Variants in ATOH1 observed in about 807,000 individuals in gnomAD.
ATOH1 encodes the protein transcription factor ATOH1.
ATOH1 carries 9 observed loss-of-function variants against 20.7 expected under a neutral mutation model. The ratio of observed to expected loss-of-function variants is 0.44; its 90% CI spans 0.26 to 0.76. The LOEUF is 0.76. ATOH1 is among the 30% of genes least tolerant of loss of function. ATOH1 has a pLI of 0.20. For synonymous variants in ATOH1, 247 were observed against 214.3 expected, an observed-to-expected ratio of 1.15 and a Z score of -1.33; for missense variants, 516 against 479.3, an observed-to-expected ratio of 1.08 and a Z score of -0.71.
chr4:93,829,139 C>T lies in ATOH1; in HGVS notation c.213C>T (p.Gly71=). 3.1e-6 allele frequency: 5 copies of T among 1,603,576 alleles called. No individual in the cohort carries two copies. Among genetic ancestry groups the T allele is most frequent in the Non-Finnish European group, 4.3e-6 (5 of 1,173,802 alleles). Residue 71 remains glycine (G), a synonymous_variant, in exon 1 of 1, where the codon GGC becomes GGT. Coordinates refer to ENST00000306011, the MANE Select transcript of ATOH1 (RefSeq NM_005172.2). The surrounding 1 kb of genome is among the most constrained non-coding windows in gnomAD (Gnocchi z 4.5). The stretch of plus-strand genomic sequence containing the variant: ...CCTGGCTGGCTCCCACTTTGCAGGG[C>T]ATCTGCACGGCACGCGCCGCCCAGT... ...PRAWLAPTLQ[G]ICTARAAQYL...
Position 93,829,874 on chromosome 4 carries a change from C to A in ATOH1, c.948C>A (p.Pro316=), listed in dbSNP as rs540814845. The A allele has an allele frequency of 1.0e-4, 166 of 1,614,028 alleles. No individual in the cohort carries two copies. The highest frequency in any genetic ancestry group is 1.4e-4 in the Non-Finnish European group (160 of 1,180,054). ...AAAAGAATTTGTCTCCTTCTCTCCCCGGGAGCATCTTGCAGCCAGTGCAGG... is the reference window on the plus strand; with the variant it reads ...AAAAGAATTTGTCTCCTTCTCTCCCAGGGAGCATCTTGCAGCCAGTGCAGG... The part of the protein sequence containing the change: ...MAQKNLSPSL[P]GSILQPVQEE... The change falls in exon 1 of 1, where the codon CCC becomes CCA. Residue 316 remains proline, a synonymous_variant. Coordinates refer to ENST00000306011, the MANE Select transcript of ATOH1 (RefSeq NM_005172.2). The surrounding 1 kb of genome is among the most constrained non-coding windows in gnomAD (Gnocchi z 4.5).
rs571058320 is a variant in ATOH1 at position 93,830,149 on chromosome 4, T to C, written c.*158T>C. ...GGCTTCAGATGGCAGCTACATTTGA[T>C]GGTTTGCAAATGCCGCCGCTGTTCC... On this transcript the variant is annotated 3_prime_UTR_variant, in exon 1 of 1. Coordinates refer to ENST00000306011, the MANE Select transcript of ATOH1 (RefSeq NM_005172.2). 1.9e-5 allele frequency: 26 copies of C among 1,389,124 alleles called. No homozygotes were observed. The East Asian group carries it at 6.1e-4, about 33-fold the overall frequency. The allele number at this position is 1,389,124 out of a possible 1,614,324, so 86.0% of individuals were successfully genotyped here.
In ATOH1 at chr4:93,829,283, C is replaced by T; in HGVS notation, c.357C>T (p.Pro119=). The part of the protein sequence containing the change: ...SSGGASSSKS[P]GPVKVREQLC... ...GCGGTGCCAGCAGCAGCAAGAGCCC[C>T]GGGCCGGTGAAAGTGCGGGAACAGC... is the stretch of plus-strand genomic sequence containing the variant. The change falls in exon 1 of 1, where the codon CCC becomes CCT. Residue 119 remains proline (P), a synonymous_variant. Transcript: ENST00000306011. This position sits in a 1 kb window ranked among gnomAD's most constrained non-coding sequence, Gnocchi z 4.5. The T allele has an allele frequency of 6.2e-7, 1 of 1,608,368 alleles. No individual in the cohort carries two copies. The highest frequency in any genetic ancestry group is 8.5e-7 in the Non-Finnish European group (1 of 1,176,612).
chr4:93,828,761 A>C lies in ATOH1; in HGVS notation c.-166A>C, dbSNP rs140329582. On this transcript the variant is annotated 5_prime_UTR_variant, in exon 1 of 1. Coordinates refer to ENST00000306011, the MANE Select transcript of ATOH1 (RefSeq NM_005172.2). ...CAGCGCCTTCAGCAACCGGAGAAGC[A>C]TAGTTGCACGCGACCTGGTGTGTGA... 5.3e-4 allele frequency: 369 copies of C among 702,642 alleles called. No individual in the cohort carries two copies. The East Asian group carries it at 0.01, about 19-fold the overall frequency. 43.5% of individuals were successfully genotyped at this position (702,642 alleles called of 1,614,324 possible).
Position 93,830,674 on chromosome 4 carries a change from C to T in ATOH1, c.*683C>T, listed in dbSNP as rs1735426343. The T allele has an allele frequency of 6.0e-6, 1 of 165,640 alleles. No homozygotes were observed. Among genetic ancestry groups the T allele is most frequent in the African/African-American group, 2.5e-5 (1 of 40,664 alleles). The allele number at this position is 165,640 out of a possible 1,614,324, so 10.3% of individuals were successfully genotyped here. On this transcript the variant is annotated 3_prime_UTR_variant, in exon 1 of 1. Transcript: ENST00000306011. ...AGAAACTCAACTGCCAATTGCAGAC[C>T]AGTTTTTTTTTTTTTAAACACAGCC...
At position 93,830,158 on chromosome 4, in the gene ATOH1, A is replaced by C; in HGVS notation, c.*167A>C. 7.3e-7 allele frequency: 1 copy of C among 1,365,798 alleles called. No individual in the cohort carries two copies. Among genetic ancestry groups the C allele is most frequent in the Non-Finnish European group, 9.6e-7 (1 of 1,042,386 alleles). 84.6% of individuals were successfully genotyped at this position (1,365,798 alleles called of 1,614,324 possible). A position where few individuals can be genotyped will look rare whatever the true frequency, so the allele number is the denominator to read the frequency against. On this transcript the variant is annotated 3_prime_UTR_variant, in exon 1 of 1. Transcript: ENST00000306011. ...TGGCAGCTACATTTGATGGTTTGCA[A>C]ATGCCGCCGCTGTTCCAAACTTCCT...
chr4:93,830,006 C>G lies in ATOH1; in HGVS notation c.*15C>G. 1 of 1,555,406 alleles carries G rather than the reference C, an allele frequency of 6.4e-7. No individual in the cohort carries two copies. Among genetic ancestry groups the G allele is most frequent in the East Asian group, 2.3e-5 (1 of 44,104 alleles). On this transcript the variant is annotated 3_prime_UTR_variant, in exon 1 of 1. Coordinates refer to ENST00000306011, the MANE Select transcript of ATOH1 (RefSeq NM_005172.2). ...AGGCAAGTTAGGAAGGTGACAGAAG[C>G]CTGAAAACTGAGACAGAAACAAAAC...
Position 93,830,237 on chromosome 4 carries a change from C to A in ATOH1, c.*246C>A. 1 of 706,754 alleles carries A rather than the reference C, an allele frequency of 1.4e-6. No individual in the cohort carries two copies. Among genetic ancestry groups the A allele is most frequent in the Non-Finnish European group, 2.1e-6 (1 of 474,056 alleles). The allele number at this position is 706,754 out of a possible 1,614,324, so 43.8% of individuals were successfully genotyped here. On this transcript the variant is annotated 3_prime_UTR_variant, in exon 1 of 1. Transcript: ENST00000306011. ...CTGTTAAAATTGTGTCCTTTCCGCCCACCTTCTGCTCCCCCTTTAGATAGA... is the reference window on the plus strand; with the variant it reads ...CTGTTAAAATTGTGTCCTTTCCGCCAACCTTCTGCTCCCCCTTTAGATAGA...
rs142870406 is a variant in ATOH1 at position 93,829,600 on chromosome 4, C to T, written c.674C>T (p.Pro225Leu). Residue 225 changes from proline (P) to leucine (L), a missense_variant, in exon 1 of 1, where the codon CCG becomes CTG. Coordinates refer to ENST00000306011, the MANE Select transcript of ATOH1 (RefSeq NM_005172.2). This position sits in a 1 kb window ranked among gnomAD's most constrained non-coding sequence, Gnocchi z 4.5. The stretch of plus-strand genomic sequence containing the variant: ...ACGCCCAGCGGAGGGGAACAGCCAC[C>T]GCCGCCTCCAGCCTCCTGCAAAAGC... Reference protein sequence around the residue: ...LQTPSGGEQPPPPPASCKSDH... With the variant: ...LQTPSGGEQPLPPPASCKSDH... 8 of 1,613,488 alleles carry T rather than the reference C, an allele frequency of 5.0e-6. No homozygotes were observed. Among genetic ancestry groups the T allele is most frequent in the South Asian group, 1.1e-5 (1 of 91,018 alleles).
Position 93,828,878 on chromosome 4 carries a change from G to C in ATOH1, c.-49G>C, listed in dbSNP as rs781760374. ...AAGGGCCTTTTTTTTGGTTGAGCTGGTGTCCCAGTGCTGCCTCCGATCCTG... is the reference window on the plus strand; with the variant it reads ...AAGGGCCTTTTTTTTGGTTGAGCTGCTGTCCCAGTGCTGCCTCCGATCCTG... On this transcript the variant is annotated 5_prime_UTR_variant, in exon 1 of 1. Transcript: ENST00000306011. 8 of 1,509,406 alleles carry C rather than the reference G, an allele frequency of 5.3e-6. No individual in the cohort carries two copies. In the Admixed American group the frequency reaches 1.8e-4, roughly 34 times the overall value. 93.5% of individuals were successfully genotyped at this position (1,509,406 alleles called of 1,614,324 possible). A position where few individuals can be genotyped will look rare whatever the true frequency, so the allele number is the denominator to read the frequency against.
rs749567383 is a variant in ATOH1, at chr4:93,829,826, C to A, written c.900C>A (p.Ser300Arg). The change falls in exon 1 of 1, where the codon AGC (serine) becomes AGA (arginine). Residue 300 changes from serine to arginine, a missense_variant. Coordinates refer to ENST00000306011, the MANE Select transcript of ATOH1 (RefSeq NM_005172.2). This position sits in a 1 kb window ranked among gnomAD's most constrained non-coding sequence, Gnocchi z 4.5. ...DALHFSTFED[S>R]ALTAMMAQKN... is the part of the protein sequence containing the mutation. ...TGCACTTCTCGACTTTCGAGGACAGCGCCCTGACAGCGATGATGGCGCAAA... is the reference window on the plus strand; with the variant it reads ...TGCACTTCTCGACTTTCGAGGACAGAGCCCTGACAGCGATGATGGCGCAAA... 2 of 1,613,926 alleles carry A rather than the reference C, an allele frequency of 1.2e-6. No individual in the cohort carries two copies. Among genetic ancestry groups the A allele is most frequent in the Non-Finnish European group, 1.7e-6 (2 of 1,179,984 alleles).
Position 93,830,093 on chromosome 4 carries a change from C to T in ATOH1, c.*102C>T. ...AGATCCCCGCACCCTTTAATTTTTG[C>T]TCTGCGATGGTCGTTGTTTAGCAAC... On this transcript the variant is annotated 3_prime_UTR_variant, in exon 1 of 1. Transcript: ENST00000306011. 1.4e-6 allele frequency: 2 copies of T among 1,461,148 alleles called. No homozygotes were observed. Among genetic ancestry groups the T allele is most frequent in the Non-Finnish European group, 1.8e-6 (2 of 1,108,824 alleles). 90.5% of individuals were successfully genotyped at this position (1,461,148 alleles called of 1,614,324 possible).
chr4:93,829,134 C>T lies in ATOH1; in HGVS notation c.208C>T (p.Gln70Ter), dbSNP rs1335146297. 6.2e-7 allele frequency: 1 copy of T among 1,606,526 alleles called. No homozygotes were observed. The highest frequency in any genetic ancestry group is 2.2e-5 in the East Asian group (1 of 44,716). ...ACGCGCCTGGCTGGCTCCCACTTTG[C>T]AGGGCATCTGCACGGCACGCGCCGC... ...DPRAWLAPTL[Q>*]GICTARAAQY... Residue 70 changes from glutamine (Q) to a stop codon, truncating the protein, a stop_gained, in exon 1 of 1, where the codon CAG becomes TAG. Coordinates refer to ENST00000306011, the MANE Select transcript of ATOH1 (RefSeq NM_005172.2). LOFTEE classifies it high-confidence loss of function. This position sits in a 1 kb window ranked among gnomAD's most constrained non-coding sequence, Gnocchi z 4.5.
chr4:93,830,164 G>C lies in ATOH1; in HGVS notation c.*173G>C. On this transcript the variant is annotated 3_prime_UTR_variant, in exon 1 of 1. Transcript: ENST00000306011. The stretch of plus-strand genomic sequence containing the variant: ...CTACATTTGATGGTTTGCAAATGCC[G>C]CCGCTGTTCCAAACTTCCTACGGTC... 1 of 1,346,726 alleles carries C rather than the reference G, an allele frequency of 7.4e-7. No individual in the cohort carries two copies. The highest frequency in any genetic ancestry group is 9.7e-7 in the Non-Finnish European group (1 of 1,025,754). 83.4% of individuals were successfully genotyped at this position (1,346,726 alleles called of 1,614,324 possible).
In ATOH1 at chr4:93,829,658, T is replaced by A; in HGVS notation, c.732T>A (p.Tyr244Ter). ...ACCACCTTCGCACCGCGGCCTCCTA[T>A]GAAGGGGGCGCGGGCAACGCGACCG... ...DHHHLRTAAS[Y>*]EGGAGNATAA... is the part of the protein sequence containing the mutation. The change falls in exon 1 of 1, where the codon TAT becomes TAA. Residue 244 changes from tyrosine (Y) to a stop codon, truncating the protein, a stop_gained. Transcript: ENST00000306011. LOFTEE classifies it high-confidence loss of function. The surrounding 1 kb of genome is among the most constrained non-coding windows in gnomAD (Gnocchi z 4.5). 6.3e-7 allele frequency: 1 copy of A among 1,584,688 alleles called. No homozygotes were observed. The highest frequency in any genetic ancestry group is 8.6e-7 in the Non-Finnish European group (1 of 1,166,176).
At position 93,829,273 on chromosome 4, in the gene ATOH1, GCAA is replaced by G; in HGVS notation, c.348_350del (p.Ser116_Lys117delinsArg). 1 of 1,603,550 alleles carries G rather than the reference GCAA, an allele frequency of 6.2e-7. No individual in the cohort carries two copies. Among genetic ancestry groups the G allele is most frequent in the African/African-American group, 1.3e-5 (1 of 74,940 alleles). The stretch of plus-strand genomic sequence containing the variant: ...AGGAGCAGCGGCGGTGCCAGCAGCA[GCAA>G]GAGCCCCGGGCCGGTGAAAGTGCGG... On this transcript the variant is annotated inframe_deletion, in exon 1 of 1. Coordinates refer to ENST00000306011, the MANE Select transcript of ATOH1 (RefSeq NM_005172.2). The surrounding 1 kb of genome is among the most constrained non-coding windows in gnomAD (Gnocchi z 4.5).
rs763789767 is a variant in ATOH1, at chr4:93,829,390, G to A, written c.464G>A (p.Gly155Glu). The stretch of plus-strand genomic sequence containing the variant: ...GCCCCTTCCAGCAAACAGGTGAATG[G>A]GGTGCAGAAGCAGAGACGGCTAGCA... The part of the protein sequence containing the change: ...QRAPSSKQVN[G>E]VQKQRRLAAN... The change falls in exon 1 of 1, where the codon GGG becomes GAG. Residue 155 changes from glycine to glutamate, a missense_variant. Coordinates refer to ENST00000306011, the MANE Select transcript of ATOH1 (RefSeq NM_005172.2). This position sits in a 1 kb window ranked among gnomAD's most constrained non-coding sequence, Gnocchi z 4.5. 9 of 1,614,224 alleles carry A rather than the reference G, an allele frequency of 5.6e-6. No homozygotes were observed. Among genetic ancestry groups the A allele is most frequent in the South Asian group, 3.3e-5 (3 of 91,092 alleles).
Position 93,828,753 on chromosome 4 carries a change from G to A in ATOH1, c.-174G>A, listed in dbSNP as rs928609409. The A allele has an allele frequency of 7.9e-6, 5 of 630,010 alleles. No homozygotes were observed. The highest frequency in any genetic ancestry group is 4.5e-4 in the Middle Eastern group (1 of 2,198). 39.0% of individuals were successfully genotyped at this position (630,010 alleles called of 1,614,324 possible). A position where few individuals can be genotyped will look rare whatever the true frequency, so the allele number is the denominator to read the frequency against. On this transcript the variant is annotated 5_prime_UTR_variant, in exon 1 of 1. Transcript: ENST00000306011. ...AAGGGGCGCAGCGCCTTCAGCAACC[G>A]GAGAAGCATAGTTGCACGCGACCTG...
chr4:93,829,131 T>A lies in ATOH1; in HGVS notation c.205T>A (p.Leu69Met). ...CCCACGCGCCTGGCTGGCTCCCACTTTGCAGGGCATCTGCACGGCACGCGC... is the reference window on the plus strand; with the variant it reads ...CCCACGCGCCTGGCTGGCTCCCACTATGCAGGGCATCTGCACGGCACGCGC... The part of the protein sequence containing the change: ...TDPRAWLAPT[L>M]QGICTARAAQ... The change falls in exon 1 of 1, where the codon TTG becomes ATG. Residue 69 changes from leucine (L) to methionine (M), a missense_variant. Coordinates refer to ENST00000306011, the MANE Select transcript of ATOH1 (RefSeq NM_005172.2). The surrounding 1 kb of genome is among the most constrained non-coding windows in gnomAD (Gnocchi z 4.5). 1.2e-6 allele frequency: 2 copies of A among 1,607,124 alleles called. No homozygotes were observed. The highest frequency in any genetic ancestry group is 1.7e-6 in the Non-Finnish European group (2 of 1,175,830).
Sources: gnomAD v4.1 joint callset for allele counts on GRCh38, gnomAD v4.1.1 for gene constraint, Gnocchi (gnomAD v3.1) non-coding constraint, MANE v1.5 for transcripts, NCBI Gene and HGNC (gene_info 2026-07-23, HGNC 2026-07-21) for gene names.